MBNL3: variants seen among roughly 807,000 people sequenced by gnomAD.
The protein encoded by MBNL3 is muscleblind-like protein 3.
Under a neutral mutation model 24.5 loss-of-function variants are expected in MBNL3, and 6 were observed. That is an observed-to-expected ratio of 0.25 (90% confidence interval 0.13 to 0.48). The LOEUF (loss-of-function observed/expected upper bound fraction) is 0.48, where lower values mean the gene tolerates loss of function less well. Among genes scored for constraint, MBNL3 ranks in the 20% least tolerant of loss-of-function variants. The pLI, the probability that MBNL3 is intolerant of heterozygous loss-of-function variation, is 0.99. For synonymous variants in MBNL3, 100 were observed against 101.7 expected (o/e 0.98, Z 0.10); for missense variants, 230 against 293.5 (o/e 0.78, Z 1.58).
intron 5 of MBNL3, among the ~76,000 whole-genome samples, 161 bp from the exon 6 acceptor site, chrX:132,386,972 T>TAG (rs1305175994): frequency 1.8e-5 from 2 of 111,443 alleles, no homozygotes; most frequent in African/African-American, 6.5e-5. Flanking sequence ...TAACCAAATG[T>TAG]AGAGATAAGG....
rs772574552 is a variant in MBNL3 at position 132,390,767 on chromosome X, G to A, written c.771+80C>T. The A allele has an allele frequency of 1.8e-5, 15 of 811,339 alleles. 1 individual carries two copies. In the East Asian group the frequency reaches 4.7e-4, roughly 26 times the overall value. The allele number at this position is 811,339 out of a possible 1,213,427, so 66.9% of individuals were successfully genotyped here. The stretch of plus-strand genomic sequence containing the variant: ...TCCTCTCATGACCATCCATGAGTAT[G>A]GTTACAGGATATTAGACAAATTGAG... On this transcript the variant is annotated intron_variant, in intron 5 of 8. Transcript: ENST00000370853.
rs1392360688 is a variant in MBNL3 at position 132,376,186 on chromosome X, A to C, written c.*3480T>G. The C allele has an allele frequency of 9.0e-6, 1 of 111,227 alleles. No homozygotes were observed. Among genetic ancestry groups the C allele is most frequent in the Non-Finnish European group, 1.9e-5 (1 of 52,882 alleles). 9.2% of individuals were successfully genotyped at this position (111,227 alleles called of 1,213,427 possible). On this transcript the variant is annotated 3_prime_UTR_variant, in exon 9 of 9. Coordinates refer to ENST00000370853, the MANE Select transcript of MBNL3 (RefSeq NM_001386889.1). Reference sequence around the variant, plus strand: ...CAGCATGTTCAAAAACGGATGAAAAAAATTGATGGAGTAGAGAGAAGATGA... The same window carrying C: ...CAGCATGTTCAAAAACGGATGAAAACAATTGATGGAGTAGAGAGAAGATGA...
At chrX:132,454,226 A>AACAC (rs762548671) in intron 1 of MBNL3, among the ~76,000 whole-genome samples, 12 of 106,489 alleles carry the variant, frequency 1.1e-4, no homozygotes, top group South Asian at 4.0e-4. Flanking sequence ...TCCCCATACC[A>AACAC]ACACACACAC....
At chrX:132,389,200 A>G (rs1199524227) in intron 5 of MBNL3, among the ~76,000 whole-genome samples, 1 of 112,387 alleles carries the variant, frequency 8.9e-6, no homozygotes, top group Non-Finnish European at 1.9e-5. Flanking sequence ...ATTCATTAAC[A>G]GATTATGTTG....
At chrX:132,489,616 C>T (rs1261840978), upstream of MBNL3, among the ~76,000 whole-genome samples, 1 of 111,916 alleles carries the variant, frequency 8.9e-6, no homozygotes, top group Non-Finnish European at 1.9e-5. Flanking sequence ...CCGTGCGTCC[C>T]GCGCCGGACA....
chrX:132,443,249 C>T (rs1308153765), intron 1 of MBNL3, among the ~76,000 whole-genome samples: 2 of 111,673 alleles, frequency 1.8e-5, no homozygotes, highest in African/African-American at 6.5e-5. Context: ...AAATGAAGCT[C>T]ATAGAGGTTA....
chrX:132,425,456 T>C (rs1202878235), intron 2 of MBNL3, among the ~76,000 whole-genome samples: 1 of 112,265 alleles, frequency 8.9e-6, no homozygotes, highest in Non-Finnish European at 1.9e-5. Flanking sequence ...TTTTAAAAAG[T>C]GTCAATTCAT....
Position 132,373,969 on chromosome X carries a change from T to A in MBNL3, c.*5697A>T, listed in dbSNP as rs2148002885. On this transcript the variant is annotated 3_prime_UTR_variant, in exon 9 of 9. Coordinates refer to ENST00000370853, the MANE Select transcript of MBNL3 (RefSeq NM_001386889.1). Reference sequence around the variant, plus strand: ...AGTTATAAAGTTGTGCCAGGAGCATTTTTTTTCCCTTTGTTGAAGGGAATG... The same window carrying A: ...AGTTATAAAGTTGTGCCAGGAGCATATTTTTTCCCTTTGTTGAAGGGAATG... The A allele has an allele frequency of 9.0e-6, 1 of 111,549 alleles. No homozygotes were observed. Among genetic ancestry groups the A allele is most frequent in the South Asian group, 3.8e-4 (1 of 2,648 alleles). 9.2% of individuals were successfully genotyped at this position (111,549 alleles called of 1,213,427 possible).
intron 3 of MBNL3, among the ~76,000 whole-genome samples, chrX:132,395,907 G>A (rs935067014): frequency 9.0e-6 from 1 of 111,134 alleles, no homozygotes; most frequent in Admixed American, 9.7e-5. Context: ...TACTGGTTAA[G>A]AATCTCTGTT....
At chrX:132,423,374 TA>T (rs1234254611) in intron 2 of MBNL3, among the ~76,000 whole-genome samples, 1 of 111,080 alleles carries the variant, frequency 9.0e-6, no homozygotes, top group East Asian at 2.8e-4. Flanking sequence ...AGCTCTCCAA[TA>T]AACTCACACC....
intron 2 of MBNL3, among the ~76,000 whole-genome samples, chrX:132,410,383 A>G (rs568338106): frequency 9.0e-6 from 1 of 111,552 alleles, no homozygotes; most frequent in Middle Eastern, 4.6e-3. Context: ...AGAATAAGAA[A>G]AGGAACCTGG....
intron 5 of MBNL3, among the ~76,000 whole-genome samples, chrX:132,388,004 C>T (rs1217005107): frequency 1.2e-4 from 13 of 110,851 alleles, no homozygotes; most frequent in Non-Finnish European, 2.3e-4. Context: ...ACTTAAAAAA[C>T]ATGTCCCAGC....
intron 1 of MBNL3, among the ~76,000 whole-genome samples, chrX:132,479,312 A>C (rs766793434): frequency 8.9e-6 from 1 of 112,439 alleles, no homozygotes; most frequent in African/African-American, 3.2e-5. Flanking sequence ...CTAATTATAA[A>C]TGTTTGTAAA....
Position 132,439,778 on chromosome X carries a change from A to C in MBNL3, c.-167T>G. The C allele has an allele frequency of 2.6e-6, 2 of 755,747 alleles. No homozygotes were observed. Among genetic ancestry groups the C allele is most frequent in the Non-Finnish European group, 3.4e-6 (2 of 580,897 alleles). 62.3% of individuals were successfully genotyped at this position (755,747 alleles called of 1,213,427 possible). ...TTTTCATTAAAGTCAAATCTGGTCTAGTCAAACAAAAAGCCAATCATAAAA... is the reference window on the plus strand; with the variant it reads ...TTTTCATTAAAGTCAAATCTGGTCTCGTCAAACAAAAAGCCAATCATAAAA... On this transcript the variant is annotated 5_prime_UTR_variant, in exon 2 of 9. The change abolishes the stop of an existing upstream ORF in the 5' untranslated region. Coordinates refer to ENST00000370853, the MANE Select transcript of MBNL3 (RefSeq NM_001386889.1).
chrX:132,430,605 T>C (rs1427773845), intron 2 of MBNL3: 2 of 112,044 alleles, frequency 1.8e-5, no homozygotes, highest in African/African-American at 3.2e-5. Flanking sequence ...TGTTTTCTCA[T>C]GATTAGACCG....
intron 1 of MBNL3, among the ~76,000 whole-genome samples, chrX:132,459,681 TAA>T (rs1381241038): frequency 2.7e-5 from 3 of 112,136 alleles, no homozygotes; most frequent in Non-Finnish European, 5.6e-5. Context: ...GTGAGGAAAC[TAA>T]GACCAGACCC....
Position 132,392,203 on chromosome X carries a change from G to C in MBNL3, c.474C>G (p.Asn158Lys). The change falls in exon 4 of 9, where the codon AAC (asparagine) becomes AAG (lysine). Residue 158 changes from asparagine to lysine, a missense_variant. Transcript: ENST00000370853. ...CAGCTCCTGGCATTGCAAGAGGTGG[G>C]TTTCCAGGAATCAGAACAGGTGTAT... ...VPNTPVLIPG[N>K]PPLAMPGAVG... is the part of the protein sequence containing the mutation. 8.3e-7 allele frequency: 1 copy of C among 1,210,405 alleles called. No homozygotes were observed. Among genetic ancestry groups the C allele is most frequent in the East Asian group, 3.0e-5 (1 of 33,811 alleles).
chrX:132,403,105 G>A (rs1364400543), intron 3 of MBNL3, among the ~76,000 whole-genome samples: 1 of 111,715 alleles, frequency 9.0e-6, no homozygotes. Flanking sequence ...TTGAGGGAGA[G>A]TAGGTACCAG....
intron 7 of MBNL3, 84 bp from the exon 8 acceptor site, chrX:132,382,356 G>A: frequency 4.0e-6 from 3 of 759,210 alleles, no homozygotes; most frequent in Non-Finnish European, 5.9e-6. Flanking sequence ...ATGAGGTGTG[G>A]TAGGTATCAC....
Sources: allele counts gnomAD v4.1 joint callset (sites outside exome capture counted in the v4.1 genomes callset), GRCh38; gene constraint gnomAD v4.1.1; transcripts MANE v1.5; gene names NCBI Gene and HGNC (gene_info 2026-07-23, HGNC 2026-07-21).